Variants in PIAS1 observed in about 807,000 individuals in gnomAD.
The protein encoded by PIAS1 is protein inhibitor of activated STAT 1.
In PIAS1, 6 loss-of-function variants were observed where a neutral mutation model predicts 71.3. The observed-to-expected ratio is 0.08, with a 90% CI of 0.05 to 0.17. The LOEUF is 0.17. Ranked by LOEUF, PIAS1 falls within the 10% of genes least tolerant of loss-of-function variation. The pLI is 1.00. For synonymous variants in PIAS1, 303 were observed against 292.9 expected (o/e 1.03, Z -0.35); for missense variants, 555 against 793.6 (o/e 0.70, Z 3.61).
chr15:68,084,993 A>G (rs1251344507), intron 1 of PIAS1, among the ~76,000 whole-genome samples: 2 of 152,192 alleles, frequency 1.3e-5, no homozygotes, highest in East Asian at 3.8e-4. Flanking sequence ...TTGATTAACC[A>G]GCTATATTGC....
intron 2 of PIAS1, among the ~76,000 whole-genome samples, chr15:68,124,300 C>G (rs2092634383): frequency 6.6e-6 from 1 of 152,074 alleles, no homozygotes; most frequent in South Asian, 2.1e-4. Context: ...TTAGGAAGAT[C>G]TCATCTTTAT....
intron 7 of PIAS1, among the ~76,000 whole-genome samples, chr15:68,159,981 A>T (rs1224735989): frequency 6.6e-6 from 1 of 152,140 alleles, no homozygotes; most frequent in Non-Finnish European, 1.5e-5. Context: ...CCTTACCAGC[A>T]TATGGTATCA....
intron 2 of PIAS1, among the ~76,000 whole-genome samples, chr15:68,129,473 G>A (rs1461368830): frequency 6.6e-6 from 1 of 151,820 alleles, no homozygotes; most frequent in African/African-American, 2.4e-5. Flanking sequence ...TTGTTGTTGT[G>A]AGTATACTAA....
At position 68,173,539 on chromosome 15, in the gene PIAS1, A is replaced by G. The variant is rs2093004329; in HGVS notation, c.1009-193A>G. Among the ~76,000 whole-genome samples the G allele has an allele frequency of 6.6e-6, 1 of 152,212 alleles. No individual in the cohort carries two copies. The highest frequency in any genetic ancestry group is 1.5e-5 in the Non-Finnish European group (1 of 68,032). The stretch of plus-strand genomic sequence containing the variant: ...TCCATAGTCATTTTGTTTGATAGCC[A>G]AAGAAATACTGTCATTTTTTAACCT... On this transcript the variant is annotated intron_variant, in intron 8 of 13. Coordinates refer to ENST00000249636, the MANE Select transcript of PIAS1 (RefSeq NM_016166.3). The surrounding 1 kb of genome is among the most constrained non-coding windows in gnomAD (Gnocchi z 4.3).
At chr15:68,072,018 G>A (rs2092102346) in intron 1 of PIAS1, among the ~76,000 whole-genome samples, 2 of 151,732 alleles carry the variant, frequency 1.3e-5, no homozygotes, top group Admixed American at 1.3e-4. Flanking sequence ...ATGAGCAAAG[G>A]TAATGAGGAG....
rs1439912023 is a variant in PIAS1, at chr15:68,167,382, AT to A, written c.1008+2581del. Among the ~76,000 whole-genome samples the A allele has an allele frequency of 2.0e-5, 3 of 152,186 alleles. No individual in the cohort carries two copies. The highest frequency in any genetic ancestry group is 7.2e-5 in the African/African-American group (3 of 41,452). On this transcript the variant is annotated intron_variant, in intron 8 of 13. Transcript: ENST00000249636. This position sits in a 1 kb window ranked among gnomAD's most constrained non-coding sequence, Gnocchi z 4.4. ...TCAAATTTATGGGATAATAAAAGAG[AT>A]TTGTGCTCTTTGAAATATGTAAATA...
Position 68,188,801 on chromosome 15 carries a change from A to G in PIAS1, c.*966A>G, listed in dbSNP as rs528076004. On this transcript the variant is annotated 3_prime_UTR_variant, in exon 14 of 14. Coordinates refer to ENST00000249636, the MANE Select transcript of PIAS1 (RefSeq NM_016166.3). ...TTTGGCCACAGAGTAACAAGTTTTC[A>G]TGTAAGATCTTCATACCAAAGTAGG... 22 of 152,320 alleles carry G rather than the reference A, an allele frequency of 1.4e-4. No individual in the cohort carries two copies. The highest frequency in any genetic ancestry group is 5.1e-4 in the African/African-American group (21 of 41,564). The allele number at this position is 152,320 out of a possible 1,614,324, so 9.4% of individuals were successfully genotyped here.
At chr15:68,112,136 A>T (rs142670400) in intron 2 of PIAS1, among the ~76,000 whole-genome samples, 2 of 152,080 alleles carry the variant, frequency 1.3e-5, no homozygotes, top group African/African-American at 4.8e-5. Flanking sequence ...CGTTTACCGT[A>T]TATGTTTTCT....
intron 2 of PIAS1, among the ~76,000 whole-genome samples, chr15:68,120,087 C>T (rs952169208): frequency 5.3e-5 from 8 of 152,202 alleles, no homozygotes; most frequent in Non-Finnish European, 1.0e-4. Context: ...GGACTACAGG[C>T]CCATGCCACC....
At chr15:68,055,151 T>C (rs2140946676) in intron 1 of PIAS1, 1 of 972,048 alleles carries the variant, frequency 1.0e-6, no homozygotes, top group Non-Finnish European at 1.2e-6. Flanking sequence ...TCCCTTCTTT[T>C]GCCTTAGCTG....
chr15:68,073,062 C>T (rs1318621544), intron 1 of PIAS1, among the ~76,000 whole-genome samples: 1 of 152,174 alleles, frequency 6.6e-6, no homozygotes, highest in African/African-American at 2.4e-5. Context: ...GTCGCCCAGG[C>T]TGGAGTGCAG....
chr15:68,165,479 C>G (rs945425984), intron 8 of PIAS1, among the ~76,000 whole-genome samples: 17 of 152,196 alleles, frequency 1.1e-4, no homozygotes, highest in Admixed American at 2.6e-4. Context: ...ATTACCCACA[C>G]ATCTCATTTA....
In PIAS1 at chr15:68,178,664, T is replaced by C. The variant is rs759640146; in HGVS notation, c.1481+2010T>C. ...GCCATAATCACAATTTTAAAAGATA[T>C]TTCATAAACCTCTGGATATATAAAT... On this transcript the variant is annotated intron_variant, in intron 11 of 13. Coordinates refer to ENST00000249636, the MANE Select transcript of PIAS1 (RefSeq NM_016166.3). This position sits in a 1 kb window ranked among gnomAD's most constrained non-coding sequence, Gnocchi z 4.2. Among the ~76,000 whole-genome samples the C allele has an allele frequency of 2.0e-5, 3 of 152,218 alleles. No individual in the cohort carries two copies. The highest frequency in any genetic ancestry group is 2.9e-5 in the Non-Finnish European group (2 of 68,044).
chr15:68,112,401 T>C (rs964943518), intron 2 of PIAS1, among the ~76,000 whole-genome samples: 15 of 152,330 alleles, frequency 9.8e-5, no homozygotes, highest in South Asian at 8.3e-4. Context: ...CTCAATTTAC[T>C]GTCTTTGATT....
chr15:68,068,770 A>AGTGCTCAG (rs1330435072), intron 1 of PIAS1, among the ~76,000 whole-genome samples: 1 of 150,936 alleles, frequency 6.6e-6, no homozygotes, highest in Admixed American at 6.6e-5. Flanking sequence ...AGTCTTGAAA[A>AGTGCTCAG]GTGCTCAGGC....
intron 2 of PIAS1, among the ~76,000 whole-genome samples, chr15:68,122,859 C>T (rs1044284356): frequency 2.6e-5 from 4 of 152,052 alleles, no homozygotes; most frequent in African/African-American, 9.7e-5. Flanking sequence ...GCAGTGATTC[C>T]CTTTCATTTA....
At chr15:68,151,141 A>G (rs1281484552) in intron 6 of PIAS1, among the ~76,000 whole-genome samples, 2 of 151,964 alleles carry the variant, frequency 1.3e-5, no homozygotes, top group East Asian at 3.8e-4. Flanking sequence ...AATACTGTCT[A>G]CCTAGAAAAG....
intron 1 of PIAS1, among the ~76,000 whole-genome samples, chr15:68,068,578 G>A (rs918957580): frequency 2.6e-5 from 4 of 151,420 alleles, no homozygotes; most frequent in Non-Finnish European, 5.9e-5. Context: ...TCAGCCTCCC[G>A]AGTAGCTGGG....
chr15:68,064,979 C>A (rs933737537), intron 1 of PIAS1, among the ~76,000 whole-genome samples: 1 of 152,020 alleles, frequency 6.6e-6, no homozygotes, highest in Non-Finnish European at 1.5e-5. Context: ...TCGGGGGCTC[C>A]AGTGATCGCC....
Sources: allele counts gnomAD v4.1 joint callset (sites outside exome capture counted in the v4.1 genomes callset), GRCh38; gene constraint gnomAD v4.1.1; non-coding constraint Gnocchi (gnomAD v3.1); transcripts MANE v1.5; gene names NCBI Gene and HGNC (gene_info 2026-07-23, HGNC 2026-07-21).